The following USP34 variants were observed in gnomAD, a reference collection of about 807,000 sequenced individuals.
The protein encoded by USP34 is ubiquitin carboxyl-terminal hydrolase 34.
Under a neutral mutation model 460.3 loss-of-function variants are expected in USP34, and 70 were observed. That is an observed-to-expected ratio of 0.15 (90% CI 0.13 to 0.19). The LOEUF (loss-of-function observed/expected upper bound fraction) is 0.19, where lower values mean the gene tolerates loss of function less well. USP34 is among the 10% of genes least tolerant of loss of function. The pLI is 1.00. For missense variants in USP34, 3,985 were observed against 4,236.2 expected (o/e 0.94, Z 1.65); for synonymous variants, 1,647 against 1,405.3 (o/e 1.17, Z -3.85).
intron 1 of USP34, among the ~76,000 whole-genome samples, chr2:61,451,944 G>C (rs998136173): frequency 1.3e-5 from 2 of 152,138 alleles, no homozygotes; most frequent in Non-Finnish European, 2.9e-5. Context: ...GGGAGGCTGA[G>C]GCGGGCGGAT....
At chr2:61,328,263 T>C (rs192673712) in intron 20 of USP34, among the ~76,000 whole-genome samples, 296 of 148,428 alleles carry the variant, frequency 2.0e-3, no homozygotes, top group African/African-American at 6.9e-3. Flanking sequence ...GATCACGACA[T>C]TGCACTCCAG....
intron 39 of USP34, 70 bp from the exon 40 acceptor site, chr2:61,278,513 A>C: frequency 8.2e-7 from 1 of 1,212,178 alleles, no homozygotes; most frequent in Non-Finnish European, 1.1e-6. Flanking sequence ...AAATTATTAA[A>C]ATCATTTCCT....
At chr2:61,385,203 A>G (rs1693099475) in intron 5 of USP34, among the ~76,000 whole-genome samples, 1 of 152,190 alleles carries the variant, frequency 6.6e-6, no homozygotes, top group African/African-American at 2.4e-5. Flanking sequence ...CTCTACATAA[A>G]AAGTTGGAAA....
chr2:61,228,094 T>C (rs1687782290), intron 61 of USP34, among the ~76,000 whole-genome samples: 2 of 152,224 alleles, frequency 1.3e-5, no homozygotes, highest in Non-Finnish European at 2.9e-5. Flanking sequence ...CAAGTCACTG[T>C]GATCTAAAAC....
At position 61,283,256 on chromosome 2, in the gene USP34, T is replaced by C. The variant is rs1328562896; in HGVS notation, c.4887A>G (p.Ser1629=). The C allele has an allele frequency of 6.2e-7, 1 of 1,612,682 alleles. No homozygotes were observed. Residue 1629 remains serine (S), a synonymous_variant, in exon 37 of 80, where the codon TCA becomes TCG. Coordinates refer to ENST00000398571, the MANE Select transcript of USP34 (RefSeq NM_014709.4). The part of the protein sequence containing the change: ...HRSRHEVSHY[S]MWLLVSWAHC... ...GAGCCCAACTCACCAAGAGCCACATTGAATAATGTGAAACTAAAGAAAAAT... is the reference window on the plus strand; with the variant it reads ...GAGCCCAACTCACCAAGAGCCACATCGAATAATGTGAAACTAAAGAAAAAT...
intron 48 of USP34, among the ~76,000 whole-genome samples, chr2:61,251,908 G>C (rs78206679): frequency 6.6e-6 from 1 of 151,524 alleles, no homozygotes; most frequent in Non-Finnish European, 1.5e-5. Flanking sequence ...ACGTGACTGT[G>C]CATTTGTTTC....
chr2:61,366,884 C>CA (rs534347638), intron 10 of USP34, among the ~76,000 whole-genome samples: 81 of 151,970 alleles, frequency 5.3e-4, no homozygotes, highest in Non-Finnish European at 7.7e-4. Context: ...CTCGTCTCTG[C>CA]AAAAAAACAC....
chr2:61,397,226 T>C (rs1369826835), intron 3 of USP34, among the ~76,000 whole-genome samples: 1 of 151,814 alleles, frequency 6.6e-6, no homozygotes, highest in South Asian at 2.1e-4. Context: ...GCAGATCATT[T>C]GAGGTCAAGA....
Position 61,222,953 on chromosome 2 carries a change from T to C in USP34, c.7749+107A>G, listed in dbSNP as rs998517547. ...CTCAAGCGATCCTCCCGCCTTGGCC[T>C]CCCAAAGTGCTGGGATTACAGGCAT... On this transcript the variant is annotated intron_variant, in intron 64 of 79. Coordinates refer to ENST00000398571, the MANE Select transcript of USP34 (RefSeq NM_014709.4). The C allele has an allele frequency of 6.7e-5, 69 of 1,028,156 alleles. 1 individual carries two copies. The East Asian group carries it at 1.7e-3, about 26-fold the overall frequency. The allele number at this position is 1,028,156 out of a possible 1,614,324, so 63.7% of individuals were successfully genotyped here. A position where few individuals can be genotyped will look rare whatever the true frequency, so the allele number is the denominator to read the frequency against.
chr2:61,265,993 G>A lies in USP34; in HGVS notation c.5608C>T (p.His1870Tyr). 6.2e-7 allele frequency: 1 copy of A among 1,604,504 alleles called. No individual in the cohort carries two copies. Among genetic ancestry groups the A allele is most frequent in the Non-Finnish European group, 8.5e-7 (1 of 1,172,846 alleles). The change falls in exon 42 of 80, where the codon CAC (histidine) becomes TAC (tyrosine). Residue 1870 changes from histidine (H) to tyrosine (Y), a missense_variant. By Grantham distance (83) the His-to-Tyr change is moderately conservative. Coordinates refer to ENST00000398571, the MANE Select transcript of USP34 (RefSeq NM_014709.4). ...RLIHNWVMAQHMQSHAPYKWD... is the reference protein window; with the variant it reads ...RLIHNWVMAQYMQSHAPYKWD... ...AAAGAAGAATGCTTACACTGCATGT[G>A]TTGTGCCATAACCCAGTTGTGTATT... is the stretch of plus-strand genomic sequence containing the variant.
intron 27 of USP34, among the ~76,000 whole-genome samples, chr2:61,302,802 TG>T (rs1334086301): frequency 6.6e-6 from 1 of 152,194 alleles, no homozygotes; most frequent in Admixed American, 6.5e-5. Flanking sequence ...AGGACTTTTT[TG>T]TTTTTTCTTT....
At chr2:61,448,190 C>T (rs1695172280) in intron 1 of USP34, among the ~76,000 whole-genome samples, 1 of 152,224 alleles carries the variant, frequency 6.6e-6, no homozygotes, top group African/African-American at 2.4e-5. Flanking sequence ...AAAACACAAA[C>T]TGGCCAGGCA....
chr2:61,218,062 TAAAC>T (rs1333653821), intron 67 of USP34, among the ~76,000 whole-genome samples: 1 of 151,930 alleles, frequency 6.6e-6, no homozygotes, highest in Non-Finnish European at 1.5e-5. Context: ...AGAATAATAT[TAAAC>T]AATGCCACTG....
intron 1 of USP34, among the ~76,000 whole-genome samples, chr2:61,469,573 T>A (rs1695886501): frequency 6.6e-6 from 1 of 152,214 alleles, no homozygotes; most frequent in Non-Finnish European, 1.5e-5. Flanking sequence ...CTTTGGTCAT[T>A]AAAGTGACAG....
At position 61,451,665 on chromosome 2, in the gene USP34, A is replaced by G. The variant is rs532644099; in HGVS notation, c.43+18985T>C. ...CCATTGCACTCCAACCTGGGCAACA[A>G]GAGCGAAACCCCGCCTCAAAAAAAA... is the stretch of plus-strand genomic sequence containing the variant. On this transcript the variant is annotated intron_variant, in intron 1 of 79. Transcript: ENST00000398571. Among the ~76,000 whole-genome samples, 132 of 150,954 alleles carry G rather than the reference A, an allele frequency of 8.7e-4. 1 individual carries two copies. The East Asian group carries it at 0.016, about 18-fold the overall frequency.
At chr2:61,263,139 G>C (rs1201364308) in intron 43 of USP34, among the ~76,000 whole-genome samples, 2 of 149,154 alleles carry the variant, frequency 1.3e-5, no homozygotes, top group African/African-American at 5.0e-5. Flanking sequence ...GTCCCGAGTA[G>C]CTGGGACTAC....
chr2:61,271,593 G>A (rs1298722224), intron 41 of USP34, among the ~76,000 whole-genome samples: 1 of 151,904 alleles, frequency 6.6e-6, no homozygotes, highest in Non-Finnish European at 1.5e-5. Flanking sequence ...AATGCAAAAG[G>A]AGGAAAAAAG....
chr2:61,257,709 C>A (rs1226485214), intron 44 of USP34, among the ~76,000 whole-genome samples: 1 of 151,848 alleles, frequency 6.6e-6, no homozygotes, highest in East Asian at 2.0e-4. Context: ...CCATCCTGGC[C>A]ATCCTTTACC....
At chr2:61,234,934 T>C (rs944780363) in intron 57 of USP34, among the ~76,000 whole-genome samples, 5 of 152,080 alleles carry the variant, frequency 3.3e-5, no homozygotes, top group African/African-American at 1.2e-4. Flanking sequence ...CCATGCACAG[T>C]CCCAAGTTTC....
Sources: allele counts gnomAD v4.1 joint callset (sites outside exome capture counted in the v4.1 genomes callset), GRCh38; gene constraint gnomAD v4.1.1; transcripts MANE v1.5; gene names NCBI Gene and HGNC (gene_info 2026-07-23, HGNC 2026-07-21).